ATP8B4: variants seen among roughly 807,000 people sequenced by gnomAD.
The protein encoded by ATP8B4 is ATPase phospholipid transporting 8B4 (putative).
A neutral mutation model predicts 145.6 loss-of-function variants in ATP8B4; 133 were observed. The ratio of observed to expected loss-of-function variants is 0.91; its 90% CI spans 0.79 to 1.05. The LOEUF (loss-of-function observed/expected upper bound fraction) is 1.05. Among genes scored for constraint, ATP8B4 ranks in the 50% least tolerant of loss-of-function variants. The pLI is 0.00. For synonymous variants in ATP8B4, 507 were observed against 492.9 expected (o/e 1.03, Z -0.38); for missense variants, 1,458 against 1,425.2 (o/e 1.02, Z -0.37).
chr15:50,043,078 G>C (rs1600026051), intron 5 of ATP8B4, among the ~76,000 whole-genome samples: 1 of 152,252 alleles, frequency 6.6e-6, no homozygotes, highest in East Asian at 1.9e-4. Flanking sequence ...GATACAGATG[G>C]GTTAAAAATA....
chr15:49,899,135 T>A (rs574157799), intron 21 of ATP8B4, among the ~76,000 whole-genome samples: 1 of 152,276 alleles, frequency 6.6e-6, no homozygotes, highest in Admixed American at 6.5e-5. Context: ...AAGTCTACAC[T>A]TTTTTTCCCA....
intron 3 of ATP8B4, among the ~76,000 whole-genome samples, chr15:50,053,042 T>C (rs1025643168): frequency 6.6e-6 from 1 of 152,292 alleles, no homozygotes; most frequent in Admixed American, 6.5e-5. Flanking sequence ...TTTGCATTAG[T>C]CCAGGTGAAA....
In ATP8B4 at chr15:49,916,985, T is replaced by A. The variant is rs114920507; in HGVS notation, c.2090A>T (p.Asp697Val). 2.4e-5 allele frequency: 38 copies of A among 1,613,948 alleles called. No individual in the cohort carries two copies. The highest frequency in any genetic ancestry group is 3.1e-5 in the Non-Finnish European group (37 of 1,179,894). Residue 697 changes from aspartate to valine, a missense_variant, in exon 20 of 28, where the codon GAT becomes GTT. Coordinates refer to ENST00000284509, the MANE Select transcript of ATP8B4 (RefSeq NM_024837.4). ...ACNMLTDDMN[D>V]VFVIAGNNAV... ...ATTATTCCCTGCTATCACAAACACA[T>A]CATTCATGTCGTCAGTCAGCATGTT...
Position 49,920,365 on chromosome 15 carries a change from C to G in ATP8B4, c.1804G>C (p.Asp602His), listed in dbSNP as rs894683127. Reference sequence around the variant, plus strand: ...TCTTTAAAGTACTTGTCATCCAGGTCTCTGTATGCGATGGCCAAGGTCCGA... The same window carrying G: ...TCTTTAAAGTACTTGTCATCCAGGTGTCTGTATGCGATGGCCAAGGTCCGA... The part of the protein sequence containing the change: ...GLRTLAIAYR[D>H]LDDKYFKEWH... The change falls in exon 18 of 28, where the codon GAC becomes CAC. Residue 602 changes from aspartate to histidine, a missense_variant. Coordinates refer to ENST00000284509, the MANE Select transcript of ATP8B4 (RefSeq NM_024837.4). 3 of 1,614,188 alleles carry G rather than the reference C, an allele frequency of 1.9e-6. No individual in the cohort carries two copies. Among genetic ancestry groups the G allele is most frequent in the African/African-American group, 1.3e-5 (1 of 75,050 alleles).
rs1188054087 is a variant in ATP8B4 at position 50,157,966 on chromosome 15, G to A, written c.-43+24295C>T. On this transcript the variant is annotated intron_variant, in intron 1 of 3. Coordinates refer to the ATP8B4 transcript ENST00000558829. Reference sequence around the variant, plus strand: ...GAGACGGGGTTTCGCTGTGTTGGCTGGGCTGGTCTCCAGCTCCTAACCGCA... The same window carrying A: ...GAGACGGGGTTTCGCTGTGTTGGCTAGGCTGGTCTCCAGCTCCTAACCGCA... 2.0e-5 allele frequency among the ~76,000 whole-genome samples: 3 copies of A among 152,304 alleles called. No individual in the cohort carries two copies. The East Asian group carries it at 5.8e-4, about 29-fold the overall frequency.
At chr15:50,041,554 G>A (rs2051284830) in intron 5 of ATP8B4, among the ~76,000 whole-genome samples, 1 of 152,092 alleles carries the variant, frequency 6.6e-6, no homozygotes, top group Admixed American at 6.5e-5. Flanking sequence ...CTTGAACAAC[G>A]GCAACCTCAC....
intron 1 of ATP8B4, among the ~76,000 whole-genome samples, chr15:50,146,162 G>C (rs1161927367): frequency 6.6e-6 from 1 of 152,008 alleles, no homozygotes; most frequent in Admixed American, 6.5e-5. Context: ...ACAGGCGTCT[G>C]CCACCGTGCC....
intron 25 of ATP8B4, 113 bp from the exon 26 acceptor site, chr15:49,866,597 G>A: frequency 1.5e-6 from 2 of 1,328,154 alleles, no homozygotes; most frequent in South Asian, 2.7e-5. Flanking sequence ...CACCTGCCTA[G>A]TTGCCAAGCC....
intron 9 of ATP8B4, among the ~76,000 whole-genome samples, chr15:49,989,850 G>A (rs1234663556): frequency 2.0e-5 from 3 of 152,042 alleles, no homozygotes; most frequent in Non-Finnish European, 4.4e-5. Flanking sequence ...TACCACTTTC[G>A]AAAAGGGATG....
intron 3 of ATP8B4, among the ~76,000 whole-genome samples, chr15:50,050,205 A>G (rs115744091): frequency 0.03 from 4,517 of 152,316 alleles, 237 homozygotes; most frequent in African/African-American, 0.1. Context: ...CTCTTAAAAC[A>G]TGATGCCTAG....
chr15:49,866,360 T>A lies in ATP8B4; in HGVS notation c.3152A>T (p.Gln1051Leu), dbSNP rs61731575. The A allele has an allele frequency of 2.7e-3, 4,353 of 1,613,766 alleles. 111 individuals carry two copies. The African/African-American group carries it at 0.051, about 19-fold the overall frequency. ...SNGIFGIFPN[Q>L]FPFVGNARHS... ...GACTCACTTACCAACAAATGGAAAC[T>A]GGTTTGGGAAGATGCCAAAGATGCC... is the stretch of plus-strand genomic sequence containing the variant. Residue 1051 changes from glutamine to leucine, a missense_variant, in exon 26 of 28, where the codon CAG becomes CTG. Transcript: ENST00000284509.
intron 25 of ATP8B4, among the ~76,000 whole-genome samples, chr15:49,869,026 A>G (rs1308626279): frequency 6.6e-6 from 1 of 152,136 alleles, no homozygotes; most frequent in African/African-American, 2.4e-5. Context: ...CTCCTGCCTC[A>G]GCCTCCTGAG....
intron 6 of ATP8B4, among the ~76,000 whole-genome samples, chr15:50,019,689 A>G (rs1014663946): frequency 2.6e-5 from 4 of 152,084 alleles, no homozygotes; most frequent in Non-Finnish European, 5.9e-5. Flanking sequence ...TCCAACTGCA[A>G]TCTCTCTGGT....
chr15:50,117,757 T>C (rs758748889), intron 1 of ATP8B4, among the ~76,000 whole-genome samples: 2 of 152,232 alleles, frequency 1.3e-5, no homozygotes, highest in Non-Finnish European at 2.9e-5. Flanking sequence ...GCAATAATAT[T>C]TCTTCTTGAG....
intron 21 of ATP8B4, among the ~76,000 whole-genome samples, 176 bp downstream of exon 21, chr15:49,900,916 T>TGAGATA (rs1414987060): frequency 6.6e-6 from 1 of 152,168 alleles, no homozygotes; most frequent in Non-Finnish European, 1.5e-5. Context: ...TAATAATGTA[T>TGAGATA]GAGATATATA....
intron 25 of ATP8B4, among the ~76,000 whole-genome samples, chr15:49,867,286 A>T (rs933697279): frequency 6.6e-6 from 1 of 152,238 alleles, no homozygotes; most frequent in African/African-American, 2.4e-5. Context: ...GCAAGACTAA[A>T]GATTTCTCAT....
chr15:49,872,765 C>T (rs551339216), intron 25 of ATP8B4, among the ~76,000 whole-genome samples: 5 of 152,178 alleles, frequency 3.3e-5, no homozygotes, highest in African/African-American at 1.2e-4. Flanking sequence ...GGAACATGAC[C>T]ACTAAATTCA....
chr15:49,994,541 G>A (rs1432720245), intron 9 of ATP8B4, among the ~76,000 whole-genome samples: 1 of 152,084 alleles, frequency 6.6e-6, no homozygotes, highest in African/African-American at 2.4e-5. Context: ...AGCTTACACT[G>A]AAGCAGATAA....
At chr15:50,038,874 T>C (rs1599978246) in intron 5 of ATP8B4, 45 bp from the exon 6 acceptor site, 2 of 1,539,454 alleles carry the variant, frequency 1.3e-6, no homozygotes, top group East Asian at 4.5e-5. Flanking sequence ...ACAAGGTACT[T>C]TGTCAGCCCA....
Sources: gnomAD v4.1 joint callset for allele counts (sites outside exome capture counted in the v4.1 genomes callset) on GRCh38, gnomAD v4.1.1 for gene constraint, MANE v1.5 for transcripts, NCBI Gene and HGNC (gene_info 2026-07-23, HGNC 2026-07-21) for gene names.